The following ZHX2 variants were observed in gnomAD, a reference collection of about 807,000 sequenced individuals.
The protein encoded by ZHX2 is zinc fingers and homeoboxes 2, also known as zinc fingers and homeoboxes protein 2.
In ZHX2, 6 loss-of-function variants were observed where a neutral mutation model predicts 21.9. That is an observed-to-expected ratio of 0.27 (90% CI 0.15 to 0.54). The LOEUF (loss-of-function observed/expected upper bound fraction) is 0.54. Among genes scored for constraint, ZHX2 ranks in the 20% least tolerant of loss-of-function variants. ZHX2 has a pLI of 0.95. For synonymous variants in ZHX2, 434 were observed against 437.1 expected, an observed-to-expected ratio of 0.99 and a Z score of 0.09; for missense variants, 908 against 1,090.7, an observed-to-expected ratio of 0.83 and a Z score of 2.36.
At chr8:122,793,446 G>A (rs1331650450) in intron 1 of ZHX2, among the ~76,000 whole-genome samples, 1 of 152,198 alleles carries the variant, frequency 6.6e-6, no homozygotes, top group African/African-American at 2.4e-5. Context: ...TCCATGCCTG[G>A]CTCTGTTATC....
chr8:122,904,476 T>G (rs942808996), intron 2 of ZHX2, among the ~76,000 whole-genome samples: 2 of 152,260 alleles, frequency 1.3e-5, no homozygotes, highest in Admixed American at 1.3e-4. Context: ...ATCCACTCCC[T>G]TAGTGTCAGT....
intron 2 of ZHX2, among the ~76,000 whole-genome samples, chr8:122,899,817 T>C (rs1259275750): frequency 6.6e-6 from 1 of 152,166 alleles, no homozygotes; most frequent in Non-Finnish European, 1.5e-5. Context: ...TTAATGCAAA[T>C]TGGAGGGAAA....
chr8:122,906,827 C>T (rs939692568), intron 2 of ZHX2, among the ~76,000 whole-genome samples: 1 of 151,782 alleles, frequency 6.6e-6, no homozygotes. Flanking sequence ...CACACCACCA[C>T]GCCCGGGTAA....
chr8:122,831,870 C>A (rs1354498276), intron 1 of ZHX2, among the ~76,000 whole-genome samples: 2 of 152,276 alleles, frequency 1.3e-5, no homozygotes, highest in East Asian at 1.9e-4. Flanking sequence ...TGTCCTGCTG[C>A]TAGAGTGAGA....
At chr8:122,860,265 G>C (rs1006552458) in intron 1 of ZHX2, among the ~76,000 whole-genome samples, 1 of 152,172 alleles carries the variant, frequency 6.6e-6, no homozygotes, top group Non-Finnish European at 1.5e-5. Flanking sequence ...CCTCCACCTG[G>C]TCTCTCCCTT....
chr8:122,800,477 G>A (rs1817697326), intron 1 of ZHX2, among the ~76,000 whole-genome samples: 1 of 152,208 alleles, frequency 6.6e-6, no homozygotes, highest in South Asian at 2.1e-4. Flanking sequence ...GCATAGTGGA[G>A]CCCCCGAGCT....
intron 3 of ZHX2, among the ~76,000 whole-genome samples, chr8:122,959,035 T>A (rs755470833): frequency 5.3e-5 from 8 of 152,222 alleles, no homozygotes; most frequent in Middle Eastern, 3.4e-3. Flanking sequence ...TTCAGAACCT[T>A]CCCACCAACC....
At chr8:122,816,632 T>TG (rs1434485478) in intron 1 of ZHX2, 1 of 151,796 alleles carries the variant, frequency 6.6e-6, no homozygotes, top group African/African-American at 2.4e-5. Context: ...TATTCTTTTT[T>TG]TTTTAATAGA....
rs575770162 is a variant in ZHX2, at chr8:122,898,696, T to C, written c.-220+35157T>C. On this transcript the variant is annotated intron_variant, in intron 2 of 3. Transcript: ENST00000314393. ...TATTAAGCACTCTTTGTGACCAGAA[T>C]TGCTCTAAGCACTTACCTGTGTTAA... 2.8e-4 allele frequency among the ~76,000 whole-genome samples: 42 copies of C among 152,364 alleles called. No individual in the cohort carries two copies. In the South Asian group the frequency reaches 8.7e-3, roughly 32 times the overall value.
intron 1 of ZHX2, among the ~76,000 whole-genome samples, chr8:122,846,464 T>C (rs900802934): frequency 1.3e-5 from 2 of 151,996 alleles, no homozygotes; most frequent in Non-Finnish European, 2.9e-5. Context: ...GAGCAAGTAA[T>C]GACCCTTCTC....
At chr8:122,911,867 C>A (rs1306769284) in intron 2 of ZHX2, among the ~76,000 whole-genome samples, 2 of 151,972 alleles carry the variant, frequency 1.3e-5, no homozygotes, top group African/African-American at 4.8e-5. Flanking sequence ...AGAGGGGTTG[C>A]AGGTAAGCTT....
intron 3 of ZHX2, among the ~76,000 whole-genome samples, chr8:122,961,886 C>G (rs1007641234): frequency 2.6e-5 from 4 of 152,314 alleles, no homozygotes; most frequent in African/African-American, 9.6e-5. Flanking sequence ...GATACTGCAT[C>G]TCAACTTGCT....
At chr8:122,888,936 C>T (rs565788864) in intron 2 of ZHX2, among the ~76,000 whole-genome samples, 1 of 152,310 alleles carries the variant, frequency 6.6e-6, no homozygotes, top group African/African-American at 2.4e-5. Context: ...CTCTTCTACT[C>T]TCTACTTGTA....
intron 2 of ZHX2, among the ~76,000 whole-genome samples, chr8:122,872,504 A>G (rs1204816758): frequency 1.3e-5 from 2 of 152,298 alleles, no homozygotes; most frequent in South Asian, 4.1e-4. Context: ...AACCAAAGAG[A>G]TGAAGAAAGA....
chr8:122,865,341 G>T (rs1819265449), intron 2 of ZHX2, among the ~76,000 whole-genome samples: 1 of 152,094 alleles, frequency 6.6e-6, no homozygotes, highest in East Asian at 1.9e-4. Flanking sequence ...TGTTAGCCAG[G>T]ATGGTCTCGA....
At chr8:122,902,346 T>C (rs1820252813) in intron 2 of ZHX2, among the ~76,000 whole-genome samples, 1 of 152,230 alleles carries the variant, frequency 6.6e-6, no homozygotes, top group Admixed American at 6.5e-5. Flanking sequence ...ATAATGGTTT[T>C]TAGTGACATT....
intron 2 of ZHX2, among the ~76,000 whole-genome samples, chr8:122,880,004 G>A (rs1013467785): frequency 1.6e-4 from 21 of 134,790 alleles, no homozygotes; most frequent in African/African-American, 3.6e-4. Flanking sequence ...ATGGAGCCTC[G>A]CTCTGTTGTC....
At chr8:122,936,339 G>A (rs536595236) in intron 2 of ZHX2, among the ~76,000 whole-genome samples, 2 of 152,298 alleles carry the variant, frequency 1.3e-5, no homozygotes, top group African/African-American at 2.4e-5. Flanking sequence ...TAAAAATAAA[G>A]CCTTGAAGTT....
At chr8:122,944,547 C>G (rs1230680268) in intron 2 of ZHX2, among the ~76,000 whole-genome samples, 1 of 151,510 alleles carries the variant, frequency 6.6e-6, no homozygotes, top group Non-Finnish European at 1.5e-5. Flanking sequence ...GCTGACCACA[C>G]TGCTTAAAAC....
Sources: allele counts gnomAD v4.1 joint callset (sites outside exome capture counted in the v4.1 genomes callset), GRCh38; gene constraint gnomAD v4.1.1; transcripts MANE v1.5; gene names NCBI Gene and HGNC (gene_info 2026-07-23, HGNC 2026-07-21).